SELENOO: variants seen among roughly 807,000 people sequenced by gnomAD.
SELENOO encodes the protein selenoprotein O, also known as protein adenylyltransferase SelO, mitochondrial.
Under a neutral mutation model 58.7 loss-of-function variants are expected in SELENOO, and 74 were observed. The observed-to-expected ratio is 1.26, with a 90% CI of 1.04 to 1.53. The LOEUF (loss-of-function observed/expected upper bound fraction) is 1.53. Ranked by LOEUF, SELENOO falls within the 40% of genes most tolerant of loss-of-function variation. The pLI is 0.00. For synonymous variants in SELENOO, 543 were observed against 453.2 expected (o/e 1.20, Z -2.52); for missense variants, 1,149 against 970.0 (o/e 1.18, Z -2.45).
chr22:50,208,660 A>G lies in SELENOO; in HGVS notation c.883A>G (p.Ile295Val). 6.2e-7 allele frequency: 1 copy of G among 1,613,700 alleles called. No homozygotes were observed. The highest frequency in any genetic ancestry group is 8.5e-7 in the Non-Finnish European group (1 of 1,179,972). ...DYVISSFYPEIQAAHASDSVQ... is the reference protein window; with the variant it reads ...DYVISSFYPEVQAAHASDSVQ... ...TGTCATCAGCTCCTTTTACCCCGAGATCCAGGCTGCTCATGCCAGCGACAG... is the reference window on the plus strand; with the variant it reads ...TGTCATCAGCTCCTTTTACCCCGAGGTCCAGGCTGCTCATGCCAGCGACAG... The change falls in exon 3 of 9, where the codon ATC becomes GTC. Residue 295 changes from isoleucine (I) to valine (V), a missense_variant. Coordinates refer to ENST00000380903, the MANE Select transcript of SELENOO (RefSeq NM_031454.2).
At position 50,210,995 on chromosome 22, in the gene SELENOO, C is replaced by T. The variant is rs1209490563; in HGVS notation, c.1351+84C>T. 8 of 1,476,652 alleles carry T rather than the reference C, an allele frequency of 5.4e-6. No individual in the cohort carries two copies. In the African/African-American group the frequency reaches 6.9e-5, roughly 13 times the overall value. 91.5% of individuals were successfully genotyped at this position (1,476,652 alleles called of 1,614,324 possible). A position where few individuals can be genotyped will look rare whatever the true frequency, so the allele number is the denominator to read the frequency against. On this transcript the variant is annotated intron_variant, in intron 5 of 8. Coordinates refer to ENST00000380903, the MANE Select transcript of SELENOO (RefSeq NM_031454.2). ...GGTTTACCTTCTGGCTTCCAGGTTC[C>T]AAGTGCACAGTCACTCCCTGGGCCC...
intron 1 of SELENOO, among the ~76,000 whole-genome samples, chr22:50,203,980 T>C (rs1204579053): frequency 6.6e-6 from 1 of 152,120 alleles, no homozygotes; most frequent in African/African-American, 2.4e-5. Flanking sequence ...CAGAGAACTC[T>C]CAAAACTCAG....
At position 50,201,341 on chromosome 22, in the gene SELENOO, C is replaced by T. The variant is rs753992805; in HGVS notation, c.305C>T (p.Ala102Val). The T allele has an allele frequency of 6.0e-6, 7 of 1,170,150 alleles. No individual in the cohort carries two copies. Among genetic ancestry groups the T allele is most frequent in the Non-Finnish European group, 6.3e-6 (6 of 950,318 alleles). 72.5% of individuals were successfully genotyped at this position (1,170,150 alleles called of 1,614,324 possible). A position where few individuals can be genotyped will look rare whatever the true frequency, so the allele number is the denominator to read the frequency against. Residue 102 changes from alanine to valine, a missense_variant, in exon 1 of 9, where the codon GCG becomes GTG. Ala to Val is a moderately conservative substitution (Grantham distance 64). Transcript: ENST00000380903. ...CGCCTCGTGGCGCTGTCAGAGCCCG[C>T]GCTGGCGTTGCTGGGCCTGGGCGCG... The part of the protein sequence containing the change: ...QPRLVALSEP[A>V]LALLGLGAPP...
At chr22:50,213,490 GCT>G (rs892232442) in intron 5 of SELENOO, among the ~76,000 whole-genome samples, 6 of 150,912 alleles carry the variant, frequency 4.0e-5, no homozygotes, top group African/African-American at 1.2e-4. Context: ...AAGACGGTGT[GCT>G]CTCTTTTGCT....
chr22:50,215,768 T>TA lies in SELENOO; in HGVS notation c.1404dup (p.Glu469ArgfsTer89). 6.2e-7 allele frequency: 1 copy of TA among 1,611,730 alleles called. No homozygotes were observed. The highest frequency in any genetic ancestry group is 1.1e-5 in the South Asian group (1 of 90,996). ...TTGCTGAGCTCCTTCCCAGTGGAGCTAGAGTCGCCAGGCCTGGCGGAATTC... is the reference window on the plus strand; with the variant it reads ...TTGCTGAGCTCCTTCCCAGTGGAGCTAAGAGTCGCCAGGCCTGGCGGAATTC... On this transcript the variant is annotated frameshift_variant, in exon 6 of 9. Coordinates refer to ENST00000380903, the MANE Select transcript of SELENOO (RefSeq NM_031454.2). LOFTEE classifies it high-confidence loss of function.
intron 5 of SELENOO, among the ~76,000 whole-genome samples, chr22:50,215,154 C>T (rs934127785): frequency 3.3e-5 from 5 of 152,296 alleles, no homozygotes; most frequent in East Asian, 1.9e-4. Context: ...GGGGGAGGAT[C>T]GCAGTGTCTG....
At chr22:50,208,441 A>G in intron 2 of SELENOO, 95 bp from the exon 3 acceptor site, 1 of 1,239,742 alleles carries the variant, frequency 8.1e-7, no homozygotes, top group East Asian at 2.5e-5. Context: ...AAAAAAAAAA[A>G]AAAAATAGCC....
chr22:50,206,139 G>A (rs369889131), intron 1 of SELENOO, 178 bp from the exon 2 acceptor site: 1 of 609,036 alleles, frequency 1.6e-6, no homozygotes. Flanking sequence ...GAGGTTGCTG[G>A]AACTGGGCGG....
At chr22:50,213,458 G>C (rs1055285504) in intron 5 of SELENOO, among the ~76,000 whole-genome samples, 2 of 152,182 alleles carry the variant, frequency 1.3e-5, no homozygotes, top group Non-Finnish European at 2.9e-5. Flanking sequence ...TTATCTTGGA[G>C]AACTTTCTGT....
chr22:50,201,090 GC>G lies in SELENOO; in HGVS notation c.58del (p.Leu20SerfsTer228), dbSNP rs1186347204. On this transcript the variant is annotated frameshift_variant, in exon 1 of 9. Coordinates refer to ENST00000380903, the MANE Select transcript of SELENOO (RefSeq NM_031454.2). LOFTEE classifies it high-confidence loss of function. ...CTTCGCTCGCGGCTGCCCGACTCTTGCCCCTCGGTCGCTGTTCCCCGTCGCC... is the reference window on the plus strand; with the variant it reads ...CTTCGCTCGCGGCTGCCCGACTCTTGCCCTCGGTCGCTGTTCCCCGTCGCC... ...GASLAAARLL[P>X]LGRCSPSPAP... The G allele has an allele frequency of 2.9e-6, 4 of 1,366,550 alleles. No individual in the cohort carries two copies. Among genetic ancestry groups the G allele is most frequent in the South Asian group, 3.4e-5 (2 of 58,666 alleles). The allele number at this position is 1,366,550 out of a possible 1,614,324, so 84.7% of individuals were successfully genotyped here.
At position 50,208,629 on chromosome 22, in the gene SELENOO, C is replaced by T. The variant is rs1440978245; in HGVS notation, c.852C>T (p.Leu284=). The change falls in exon 3 of 9, where the codon CTC becomes CTT. Residue 284 remains leucine, a synonymous_variant. Transcript: ENST00000380903. The part of the protein sequence containing the change: ...VGRNDIRVQL[L]DYVISSFYPE... ...GGAACGACATTCGAGTGCAGCTGCTCGACTATGTCATCAGCTCCTTTTACC... is the reference window on the plus strand; with the variant it reads ...GGAACGACATTCGAGTGCAGCTGCTTGACTATGTCATCAGCTCCTTTTACC... The T allele has an allele frequency of 9.3e-6, 15 of 1,613,714 alleles. No homozygotes were observed. The highest frequency in any genetic ancestry group is 2.2e-5 in the South Asian group (2 of 91,072).
At chr22:50,207,997 A>G (rs563083026) in intron 2 of SELENOO, among the ~76,000 whole-genome samples, 1 of 151,216 alleles carries the variant, frequency 6.6e-6, no homozygotes, top group Admixed American at 6.6e-5. Context: ...CAGACTGTGC[A>G]GACAGGGCCT....
At chr22:50,208,883 C>T (rs1053936331) in intron 3 of SELENOO, 167 bp downstream of exon 3, 1 of 647,032 alleles carries the variant, frequency 1.5e-6, no homozygotes. Flanking sequence ...TGCTCGGGCC[C>T]TGGGACAAAC....
Position 50,217,338 on chromosome 22 carries a change from C to T in SELENOO, c.1979C>T (p.Ala660Val). 2 of 1,612,918 alleles carry T rather than the reference C, an allele frequency of 1.2e-6. No individual in the cohort carries two copies. The highest frequency in any genetic ancestry group is 1.7e-6 in the Non-Finnish European group (2 of 1,179,940). ...RSYSSKPPLW[A>V]AELCVTUSS The stretch of plus-strand genomic sequence containing the variant: ...TACAGCAGTAAGCCCCCGCTCTGGG[C>T]AGCAGAACTGTGCGTGACATGATCT... Residue 660 changes from alanine to valine, a missense_variant, in exon 9 of 9, where the codon GCA (alanine) becomes GTA (valine). Coordinates refer to ENST00000380903, the MANE Select transcript of SELENOO (RefSeq NM_031454.2).
intron 1 of SELENOO, among the ~76,000 whole-genome samples, chr22:50,202,106 T>C (rs1336615038): frequency 6.6e-6 from 1 of 152,254 alleles, no homozygotes; most frequent in Admixed American, 6.5e-5. Flanking sequence ...CGGGGAGCCG[T>C]GCACGCGCCA....
At chr22:50,214,607 AAAC>A (rs1241713868) in intron 5 of SELENOO, among the ~76,000 whole-genome samples, 4 of 152,150 alleles carry the variant, frequency 2.6e-5, no homozygotes, top group African/African-American at 7.2e-5. Context: ...CCATCTCAAA[AAAC>A]AAAAATTAGC....
intron 6 of SELENOO, 55 bp from the exon 7 acceptor site, chr22:50,216,636 G>C: frequency 6.7e-7 from 1 of 1,490,660 alleles, no homozygotes; most frequent in Non-Finnish European, 9.0e-7. Context: ...GCAGCTGCCT[G>C]CAGGGCAGGG....
At chr22:50,202,953 A>C (rs1309906012) in intron 1 of SELENOO, among the ~76,000 whole-genome samples, 2 of 152,270 alleles carry the variant, frequency 1.3e-5, no homozygotes, top group Non-Finnish European at 2.9e-5. Context: ...AATAAATGGA[A>C]ACATCCCTTG....
At chr22:50,204,446 G>T (rs1025056787) in intron 1 of SELENOO, among the ~76,000 whole-genome samples, 38 of 152,242 alleles carry the variant, frequency 2.5e-4, no homozygotes, top group African/African-American at 8.9e-4. Flanking sequence ...GGCCAACATG[G>T]TGAAACCCCA....
Sources: allele counts gnomAD v4.1 joint callset (sites outside exome capture counted in the v4.1 genomes callset), GRCh38; gene constraint gnomAD v4.1.1; transcripts MANE v1.5; gene names NCBI Gene and HGNC (gene_info 2026-07-23, HGNC 2026-07-21).